PMM2: variants seen among roughly 807,000 people sequenced by gnomAD.
PMM2 encodes the protein mannose-6-phosphate isomerase.
In PMM2, 35 loss-of-function variants were observed where a neutral mutation model predicts 33.2. That is an observed-to-expected ratio of 1.06 (90% CI 0.81 to 1.40). PMM2 has a LOEUF of 1.40. Among genes scored for constraint, PMM2 ranks in the 40% most tolerant of loss-of-function variants. PMM2 has a pLI of 0.00. For missense variants in PMM2, 386 were observed against 306.0 expected, an observed-to-expected ratio of 1.26 and a Z score of -1.95; for synonymous variants, 153 against 114.7, an observed-to-expected ratio of 1.33 and a Z score of -2.13.
chr16:8,826,685 AT>A (rs1404961723), intron 7 of PMM2, among the ~76,000 whole-genome samples: 3 of 152,182 alleles, frequency 2.0e-5, no homozygotes, highest in African/African-American at 7.2e-5. Context: ...TTAAGTGCTT[AT>A]TTTTTAAGCC....
At chr16:8,826,588 A>T (rs1285237642) in intron 7 of PMM2, among the ~76,000 whole-genome samples, 1 of 152,144 alleles carries the variant, frequency 6.6e-6, no homozygotes, top group Non-Finnish European at 1.5e-5. Context: ...TTCATCAATA[A>T]TCTTTAAAAC....
At chr16:8,839,251 G>C (rs960509413) in intron 7 of PMM2, among the ~76,000 whole-genome samples, 1 of 152,060 alleles carries the variant, frequency 6.6e-6, no homozygotes, top group Non-Finnish European at 1.5e-5. Flanking sequence ...GCATGTGCCT[G>C]TCCAATTAGC....
intron 7 of PMM2, among the ~76,000 whole-genome samples, chr16:8,835,859 C>T (rs1358354188): frequency 3.3e-5 from 5 of 151,690 alleles, no homozygotes; most frequent in South Asian, 4.2e-4. Context: ...GTATCTTATA[C>T]TTGTGGGTTA....
intron 6 of PMM2, among the ~76,000 whole-genome samples, chr16:8,812,541 C>T (rs77312021): frequency 8.5e-5 from 13 of 152,090 alleles, no homozygotes; most frequent in Non-Finnish European, 1.5e-4. Flanking sequence ...TTTTGTTGCC[C>T]GTGAGCACTG....
At chr16:8,840,789 G>T (rs538753506) in intron 7 of PMM2, among the ~76,000 whole-genome samples, 1 of 151,880 alleles carries the variant, frequency 6.6e-6, no homozygotes, top group Non-Finnish European at 1.5e-5. Context: ...AGTAGGGTCC[G>T]GTCCATCGAG....
intron 3 of PMM2, among the ~76,000 whole-genome samples, chr16:8,805,596 T>C (rs878961672): frequency 2.0e-5 from 3 of 151,914 alleles, no homozygotes; most frequent in African/African-American, 7.3e-5. Flanking sequence ...ATTTTTTTTT[T>C]TCTTTTTTCT....
intron 3 of PMM2, 121 bp from the exon 4 acceptor site, chr16:8,806,195 A>T (rs2060646682): frequency 1.4e-6 from 1 of 736,078 alleles, no homozygotes; most frequent in Admixed American, 1.9e-5. Flanking sequence ...GCATGTCACC[A>T]TCACTGCTAC....
At chr16:8,814,950 C>G (rs777035209) in intron 7 of PMM2, among the ~76,000 whole-genome samples, 1 of 152,212 alleles carries the variant, frequency 6.6e-6, no homozygotes, top group Non-Finnish European at 1.5e-5. Context: ...TCTTACATAA[C>G]TGAGACATTA....
At position 8,845,588 on chromosome 16, in the gene PMM2, G is replaced by GTT. The variant is rs148669369; in HGVS notation, c.640-2128_640-2127dup. Among the ~76,000 whole-genome samples, 356 of 150,524 alleles carry GTT rather than the reference G, an allele frequency of 2.4e-3. 2 individuals are homozygous for GTT. Among genetic ancestry groups the GTT allele is most frequent in the African/African-American group, 8.2e-3 (335 of 41,000 alleles). ...TGGTTGTGCCTTTGGTTTTTTGTTTGTTTTTTTTTCTTTTGAGTCTCGCTC... is the reference window on the plus strand; with the variant it reads ...TGGTTGTGCCTTTGGTTTTTTGTTTGTTTTTTTTTTTCTTTTGAGTCTCGCTC... On this transcript the variant is annotated intron_variant, in intron 7 of 7. Transcript: ENST00000268261.
intron 7 of PMM2, among the ~76,000 whole-genome samples, chr16:8,822,288 C>G (rs1373393946): frequency 1.3e-5 from 2 of 152,146 alleles, no homozygotes; most frequent in African/African-American, 4.8e-5. Flanking sequence ...GATACTGCAT[C>G]AGAACACAGG....
intron 7 of PMM2, among the ~76,000 whole-genome samples, chr16:8,831,376 T>C (rs8050870): frequency 0.9 from 136,560 of 152,196 alleles, 61,626 homozygotes; most frequent in East Asian, 0.97. Context: ...TAAACATCCA[T>C]AGCAAGAATC....
At chr16:8,847,650 G>T in intron 7 of PMM2, 74 bp from the exon 8 acceptor site, 1 of 1,093,640 alleles carries the variant, frequency 9.1e-7, no homozygotes, top group Non-Finnish European at 1.4e-6. Flanking sequence ...GGTACTTTTG[G>T]ACTCCAGGGT....
intron 7 of PMM2, 36 bp from the exon 8 acceptor site, chr16:8,847,688 A>AG: frequency 6.7e-7 from 1 of 1,496,466 alleles, no homozygotes; most frequent in Non-Finnish European, 9.3e-7. Context: ...GGGACAGACG[A>AG]GGGGGAGCCT....
rs1274140073 is a variant in PMM2 at position 8,847,655 on chromosome 16, C to T, written c.640-69C>T. 1.3e-5 allele frequency: 15 copies of T among 1,176,054 alleles called. No homozygotes were observed. The South Asian group carries it at 1.3e-4, about 10-fold the overall frequency. 72.9% of individuals were successfully genotyped at this position (1,176,054 alleles called of 1,614,324 possible). On this transcript the variant is annotated intron_variant, in intron 7 of 7. Coordinates refer to ENST00000268261, the MANE Select transcript of PMM2 (RefSeq NM_000303.3). ...TTGTTTTTTGGGTACTTTTGGACTCCAGGGTCACATCAGCAATGGCCCGGG... is the reference window on the plus strand; with the variant it reads ...TTGTTTTTTGGGTACTTTTGGACTCTAGGGTCACATCAGCAATGGCCCGGG...
At position 8,801,837 on chromosome 16, in the gene PMM2, G is replaced by C; in HGVS notation, c.105G>C (p.Leu35Phe). The C allele has an allele frequency of 6.2e-7, 1 of 1,611,932 alleles. No individual in the cohort carries two copies. The highest frequency in any genetic ancestry group is 1.3e-5 in the African/African-American group (1 of 74,890). ...TKEMDDFLQK[L>F]RQKIKIGVVG... Reference sequence around the variant, plus strand: ...AAATGGATGACTTCCTACAAAAATTGAGGCAGAAGATCAAAATCGGAGTGG... The same window carrying C: ...AAATGGATGACTTCCTACAAAAATTCAGGCAGAAGATCAAAATCGGAGTGG... Residue 35 changes from leucine to phenylalanine, a missense_variant, in exon 2 of 8, where the codon TTG (leucine) becomes TTC (phenylalanine). Leu to Phe is a conservative substitution (Grantham distance 22). Transcript: ENST00000268261.
intron 7 of PMM2, among the ~76,000 whole-genome samples, chr16:8,843,912 AG>A (rs2060907043): frequency 6.6e-6 from 1 of 152,254 alleles, no homozygotes; most frequent in Admixed American, 6.5e-5. Context: ...AAGATTAGAA[AG>A]ACTCAGCAAC....
intron 7 of PMM2, among the ~76,000 whole-genome samples, chr16:8,834,602 G>A (rs1386810652): frequency 1.3e-5 from 2 of 152,140 alleles, no homozygotes; most frequent in African/African-American, 4.8e-5. Flanking sequence ...GAGGGGGCCT[G>A]AATAATCCCT....
intron 1 of PMM2, among the ~76,000 whole-genome samples, chr16:8,798,447 T>G (rs935623298): frequency 6.6e-6 from 1 of 152,158 alleles, no homozygotes. Context: ...ATCTACAGCT[T>G]TAAATGGGGA....
intron 7 of PMM2, chr16:8,842,267 G>C (rs867037403): frequency 6.6e-6 from 1 of 152,382 alleles, no homozygotes; most frequent in Non-Finnish European, 1.5e-5. Flanking sequence ...AGCTTTGGAG[G>C]GGGATACCTG....
Sources: gnomAD v4.1 joint callset for allele counts (sites outside exome capture counted in the v4.1 genomes callset) on GRCh38, gnomAD v4.1.1 for gene constraint, MANE v1.5 for transcripts, NCBI Gene and HGNC (gene_info 2026-07-23, HGNC 2026-07-21) for gene names.